FAM210A: variants seen among roughly 807,000 people sequenced by gnomAD.
FAM210A encodes the protein mitochondrial inner membrane scaffold 1, also known as family with sequence similarity 210 member A.
A neutral mutation model predicts 25.3 loss-of-function variants in FAM210A; 13 were observed. That is an observed-to-expected ratio of 0.51 (90% CI 0.33 to 0.82). FAM210A has a LOEUF of 0.82. Ranked by LOEUF, FAM210A falls within the 40% of genes least tolerant of loss-of-function variation. The pLI, the probability that FAM210A is intolerant of heterozygous loss-of-function variation, is 0.02. For missense variants in FAM210A, 319 were observed against 323.2 expected (o/e 0.99, Z 0.10); for synonymous variants, 125 against 118.7 (o/e 1.05, Z -0.35).
At chr18:13,679,057 C>T (rs560811907) in intron 2 of FAM210A, among the ~76,000 whole-genome samples, 11 of 152,314 alleles carry the variant, frequency 7.2e-5, no homozygotes, top group Admixed American at 1.3e-4. Flanking sequence ...TTAGCATGCA[C>T]AATTTAGAAC....
Position 13,681,764 on chromosome 18 carries a change from G to C in FAM210A, c.314C>G (p.Thr105Ser). 2 of 1,613,988 alleles carry C rather than the reference G, an allele frequency of 1.2e-6. No individual in the cohort carries two copies. The highest frequency in any genetic ancestry group is 2.2e-5 in the South Asian group (2 of 91,066). Residue 105 changes from threonine (T) to serine (S), a missense_variant, in exon 2 of 4, where the codon ACT (threonine) becomes AGT (serine). Coordinates refer to ENST00000651643, the MANE Select transcript of FAM210A (RefSeq NM_152352.4). ...ATCAGGCTCTTCCTTTTTTTCCGGA[G>C]TTCCCTGAGCTGTGGCACTGGATGA... Reference protein sequence around the residue: ...VFSSSATAQGTPEKKEEPDPL... With the variant: ...VFSSSATAQGSPEKKEEPDPL...
At chr18:13,671,771 A>G (rs1364877416) in intron 3 of FAM210A, 91 bp downstream of exon 3, 4 of 737,804 alleles carry the variant, frequency 5.4e-6, no homozygotes, top group Admixed American at 2.2e-5. Flanking sequence ...GTTACGAAAT[A>G]CAATTGGAAG....
intron 1 of FAM210A, among the ~76,000 whole-genome samples, chr18:13,717,362 C>T (rs533215043): frequency 5.3e-5 from 8 of 152,118 alleles, no homozygotes; most frequent in South Asian, 4.1e-4. Context: ...AGGCTAGTCT[C>T]GAACTCCTGG....
intron 1 of FAM210A, among the ~76,000 whole-genome samples, chr18:13,708,661 G>A (rs1461565602): frequency 2.0e-5 from 3 of 152,178 alleles, no homozygotes; most frequent in African/African-American, 7.2e-5. Context: ...ACTATACCTA[G>A]CTTCTTCAGC....
intron 1 of FAM210A, among the ~76,000 whole-genome samples, chr18:13,706,505 C>T (rs1233943996): frequency 2.0e-5 from 3 of 152,144 alleles, no homozygotes; most frequent in Non-Finnish European, 4.4e-5. Context: ...CATATGTTGC[C>T]TCATAATCAG....
Position 13,681,820 on chromosome 18 carries a change from C to G in FAM210A, c.258G>C (p.Gly86=). 1.2e-6 allele frequency: 2 copies of G among 1,614,218 alleles called. No homozygotes were observed. The highest frequency in any genetic ancestry group is 2.7e-5 in the African/African-American group (2 of 75,058). The change falls in exon 2 of 4, where the codon GGG becomes GGC. Residue 86 remains glycine, a synonymous_variant. Coordinates refer to ENST00000651643, the MANE Select transcript of FAM210A (RefSeq NM_152352.4). ...CCCTCCTGAATGAAACATGTTGCTT[C>G]CCTTGCTTATGGCGAAGGACTCCTG... is the stretch of plus-strand genomic sequence containing the variant. ...PQPGVLRHKQ[G]KQHVSFRRVF...
rs779389463 is a variant in FAM210A, at chr18:13,666,444, A to T, written c.*36T>A. Reference sequence around the variant, plus strand: ...TTGCCCATAGTTTCCAAAGGGTTAAAGTGCAGGAATTTTCTATACTGCTAT... The same window carrying T: ...TTGCCCATAGTTTCCAAAGGGTTAATGTGCAGGAATTTTCTATACTGCTAT... On this transcript the variant is annotated 3_prime_UTR_variant, in exon 4 of 4. Coordinates refer to ENST00000651643, the MANE Select transcript of FAM210A (RefSeq NM_152352.4). 4.5e-6 allele frequency: 7 copies of T among 1,547,390 alleles called. No homozygotes were observed. The South Asian group carries it at 8.0e-5, about 18-fold the overall frequency.
At chr18:13,723,994 T>A (rs946825699) in intron 1 of FAM210A, among the ~76,000 whole-genome samples, 2 of 152,206 alleles carry the variant, frequency 1.3e-5, no homozygotes, top group Non-Finnish European at 2.9e-5. Context: ...TCTACATTTT[T>A]AAAACAATCT....
At chr18:13,686,495 C>G (rs916563494) in intron 1 of FAM210A, among the ~76,000 whole-genome samples, 2 of 152,184 alleles carry the variant, frequency 1.3e-5, no homozygotes, top group African/African-American at 4.8e-5. Flanking sequence ...ACAATTTTGC[C>G]TTTAAAAATC....
chr18:13,669,081 T>A (rs1215191195), intron 3 of FAM210A, among the ~76,000 whole-genome samples: 3 of 152,180 alleles, frequency 2.0e-5, no homozygotes, highest in Non-Finnish European at 2.9e-5. Flanking sequence ...ATAATTTATA[T>A]CCAAACCATC....
chr18:13,675,654 G>GC, intron 2 of FAM210A, among the ~76,000 whole-genome samples: 1 of 128,142 alleles, frequency 7.8e-6, no homozygotes, highest in African/African-American at 2.9e-5. Flanking sequence ...ACATTCCTGA[G>GC]CCCTGGCTTC....
At chr18:13,719,673 A>C (rs79790203) in intron 1 of FAM210A, among the ~76,000 whole-genome samples, 2,701 of 152,094 alleles carry the variant, frequency 0.018, 30 homozygotes, top group Middle Eastern at 0.061. Context: ...GAAAGCACAT[A>C]ATGCCTACAA....
At position 13,682,153 on chromosome 18, in the gene FAM210A, T is replaced by C. The variant is rs186233628; in HGVS notation, c.-28-48A>G. The stretch of plus-strand genomic sequence containing the variant: ...AAATTAGGTAATACTTAGGTTTCCA[T>C]TTTAAATCAATTCATTTGAAAATCA... On this transcript the variant is annotated intron_variant, in intron 1 of 3. Transcript: ENST00000651643. 3.7e-5 allele frequency: 45 copies of C among 1,226,754 alleles called. No individual in the cohort carries two copies. In the African/African-American group the frequency reaches 5.9e-4, roughly 16 times the overall value. The allele number at this position is 1,226,754 out of a possible 1,614,324, so 76.0% of individuals were successfully genotyped here.
intron 1 of FAM210A, among the ~76,000 whole-genome samples, chr18:13,704,909 C>T (rs992011496): frequency 1.6e-4 from 24 of 152,048 alleles, no homozygotes; most frequent in African/African-American, 2.9e-4. Context: ...TTGCTTAATG[C>T]GGTTTCTAAA....
intron 1 of FAM210A, among the ~76,000 whole-genome samples, chr18:13,696,628 A>C (rs973577697): frequency 6.6e-6 from 1 of 152,208 alleles, no homozygotes; most frequent in Non-Finnish European, 1.5e-5. Context: ...TGGTGGAGGT[A>C]GAAGACAGTG....
chr18:13,717,311 CTTTG>C (rs947884781), intron 1 of FAM210A, among the ~76,000 whole-genome samples: 22 of 152,228 alleles, frequency 1.4e-4, no homozygotes, highest in Admixed American at 2.0e-4. Context: ...AGTCTAAGTT[CTTTG>C]TTTGTTTTTT....
rs1479498140 is a variant in FAM210A at position 13,720,306 on chromosome 18, T to C, written c.-29+6023A>G. ...ATATGGCCTGAGTGGCAGAGCAGTTTGCACAGCAGCCTGTACCTGTTGTAG... is the reference window on the plus strand; with the variant it reads ...ATATGGCCTGAGTGGCAGAGCAGTTCGCACAGCAGCCTGTACCTGTTGTAG... On this transcript the variant is annotated intron_variant, in intron 1 of 3. Coordinates refer to ENST00000651643, the MANE Select transcript of FAM210A (RefSeq NM_152352.4). 2.6e-5 allele frequency among the ~76,000 whole-genome samples: 4 copies of C among 152,270 alleles called. No homozygotes were observed. The East Asian group carries it at 7.7e-4, about 29-fold the overall frequency.
At chr18:13,725,557 A>G (rs2043934997) in intron 1 of FAM210A, among the ~76,000 whole-genome samples, 1 of 152,242 alleles carries the variant, frequency 6.6e-6, no homozygotes, top group Non-Finnish European at 1.5e-5. Flanking sequence ...AATTTTGGTA[A>G]AGAGTAATTC....
intron 3 of FAM210A, among the ~76,000 whole-genome samples, chr18:13,669,339 C>T (rs1281728401): frequency 6.6e-6 from 1 of 152,166 alleles, no homozygotes; most frequent in Non-Finnish European, 1.5e-5. Context: ...GGGTAAAAAG[C>T]AAAGTCCTTT....
Sources: gnomAD v4.1 joint callset for allele counts (sites outside exome capture counted in the v4.1 genomes callset) on GRCh38, gnomAD v4.1.1 for gene constraint, MANE v1.5 for transcripts, NCBI Gene and HGNC (gene_info 2026-07-23, HGNC 2026-07-21) for gene names.